PHTF2: variants seen among roughly 807,000 people sequenced by gnomAD.
PHTF2 encodes the protein protein PHTF2.
PHTF2 carries 60 observed loss-of-function variants against 101.2 expected under a neutral mutation model. The ratio of observed to expected loss-of-function variants is 0.59; its 90% confidence interval spans 0.48 to 0.73. The LOEUF is 0.73. Ranked by LOEUF, PHTF2 falls within the 30% of genes least tolerant of loss-of-function variation. The pLI is 0.00. For missense variants in PHTF2, 747 were observed against 908.7 expected, an observed-to-expected ratio of 0.82 and a Z score of 2.29; for synonymous variants, 311 against 307.3, an observed-to-expected ratio of 1.01 and a Z score of -0.13.
intron 1 of PHTF2, among the ~76,000 whole-genome samples, chr7:77,814,812 G>A (rs1296091743): frequency 6.6e-6 from 1 of 152,052 alleles, no homozygotes; most frequent in Non-Finnish European, 1.5e-5. Flanking sequence ...CGGTGGCTTA[G>A]GCCTGTAATT....
chr7:77,837,780 C>T (rs1036506050), intron 1 of PHTF2, among the ~76,000 whole-genome samples: 1 of 152,036 alleles, frequency 6.6e-6, no homozygotes, highest in South Asian at 2.1e-4. Context: ...TTCAAACTTT[C>T]ATTTGAGCTT....
At chr7:77,847,301 G>A (rs550953422) in intron 2 of PHTF2, among the ~76,000 whole-genome samples, 7 of 152,082 alleles carry the variant, frequency 4.6e-5, no homozygotes, top group Non-Finnish European at 7.4e-5. Context: ...AGACAAATGC[G>A]CTTATTACAT....
chr7:77,892,150 C>T (rs560343835), intron 3 of PHTF2, among the ~76,000 whole-genome samples: 24 of 152,136 alleles, frequency 1.6e-4, no homozygotes, highest in South Asian at 1.2e-3. Context: ...GTTAACCAGG[C>T]GTGGTGGCAC....
intron 3 of PHTF2, among the ~76,000 whole-genome samples, chr7:77,887,681 G>T (rs1192917008): frequency 1.3e-5 from 2 of 152,180 alleles, no homozygotes; most frequent in Non-Finnish European, 2.9e-5. Context: ...ATTGGTATAG[G>T]ATTGCCAGAC....
chr7:77,869,530 A>G (rs776831976), intron 3 of PHTF2, among the ~76,000 whole-genome samples: 2 of 152,202 alleles, frequency 1.3e-5, no homozygotes, highest in Non-Finnish European at 2.9e-5. Flanking sequence ...TTCATTTAAC[A>G]TAATGACCTT....
At chr7:77,850,293 G>A (rs932763074) in intron 2 of PHTF2, among the ~76,000 whole-genome samples, 1 of 145,062 alleles carries the variant, frequency 6.9e-6, no homozygotes, top group Admixed American at 7.2e-5. Flanking sequence ...CTAGAATTGA[G>A]GCTGCAGTGA....
intron 2 of PHTF2, among the ~76,000 whole-genome samples, chr7:77,845,538 T>TGAGA (rs1340624741): frequency 6.6e-6 from 1 of 152,236 alleles, no homozygotes; most frequent in Non-Finnish European, 1.5e-5. Flanking sequence ...GAAACTAGCC[T>TGAGA]GAGTAACATG....
At chr7:77,866,809 A>C (rs1359037608) in intron 3 of PHTF2, among the ~76,000 whole-genome samples, 2 of 152,252 alleles carry the variant, frequency 1.3e-5, no homozygotes, top group African/African-American at 4.8e-5. Context: ...TATTAGAAAT[A>C]TGTAAACAAG....
chr7:77,889,237 C>G (rs946670895), intron 3 of PHTF2, among the ~76,000 whole-genome samples: 4 of 152,174 alleles, frequency 2.6e-5, no homozygotes, highest in African/African-American at 7.2e-5. Context: ...GTCTGATCTA[C>G]TATCCTGCCA....
intron 9 of PHTF2, among the ~76,000 whole-genome samples, chr7:77,918,267 A>T (rs1294780447): frequency 6.6e-6 from 1 of 151,836 alleles, no homozygotes; most frequent in Admixed American, 6.6e-5. Flanking sequence ...ACATTCCCAA[A>T]TTTTCAGCCA....
intron 11 of PHTF2, among the ~76,000 whole-genome samples, chr7:77,927,157 C>CAAAAAAAA (rs869210694): frequency 8.2e-5 from 3 of 36,528 alleles, no homozygotes; most frequent in East Asian, 1.1e-3. Context: ...GACTCCATCT[C>CAAAAAAAA]AAAAAAAAAA....
At chr7:77,884,170 A>C (rs1454520681) in intron 3 of PHTF2, among the ~76,000 whole-genome samples, 1 of 152,234 alleles carries the variant, frequency 6.6e-6, no homozygotes, top group Non-Finnish European at 1.5e-5. Context: ...CCAGCACTCC[A>C]AATATGACAA....
intron 11 of PHTF2, chr7:77,924,093 C>T: frequency 2.1e-6 from 2 of 963,832 alleles, no homozygotes; most frequent in South Asian, 4.8e-5. Context: ...ATTCAGTTCT[C>T]AAAAATTTTT....
intron 16 of PHTF2, among the ~76,000 whole-genome samples, chr7:77,948,324 A>AT (rs1806260026): frequency 6.6e-6 from 1 of 152,166 alleles, no homozygotes; most frequent in African/African-American, 2.4e-5. Context: ...GGCATTATAT[A>AT]TCAATGTGGG....
intron 19 of PHTF2, among the ~76,000 whole-genome samples, chr7:77,954,608 C>CTG (rs1230124124): frequency 0.029 from 2,892 of 99,650 alleles, 80 homozygotes; most frequent in African/African-American, 0.05. Flanking sequence ...TAAACAAGTA[C>CTG]TGTGTATATA....
chr7:77,890,027 C>CG (rs1369619875), intron 3 of PHTF2, among the ~76,000 whole-genome samples: 4 of 149,986 alleles, frequency 2.7e-5, no homozygotes, highest in Non-Finnish European at 4.4e-5. Context: ...GACGCGCCCC[C>CG]CCCCACCACC....
intron 3 of PHTF2, among the ~76,000 whole-genome samples, chr7:77,886,445 C>T (rs748555819): frequency 7.9e-5 from 12 of 152,136 alleles, no homozygotes; most frequent in Non-Finnish European, 1.3e-4. Flanking sequence ...CCAATCCTCC[C>T]GTTTCTTTAC....
chr7:77,799,658 A>G lies in PHTF2; in HGVS notation c.-36+687A>G, dbSNP rs774629291. On this transcript the variant is annotated intron_variant, in intron 1 of 19. Coordinates refer to ENST00000416283, the Ensembl canonical transcript of PHTF2. ...CAGTGTTGACAGCCAGCATTCTGGTATTGTCCTTCGAGTCATGGCTTTCTA... is the reference window on the plus strand; with the variant it reads ...CAGTGTTGACAGCCAGCATTCTGGTGTTGTCCTTCGAGTCATGGCTTTCTA... Among the ~76,000 whole-genome samples, 4 of 152,240 alleles carry G rather than the reference A, an allele frequency of 2.6e-5. No homozygotes were observed. The South Asian group carries it at 8.3e-4, about 32-fold the overall frequency.
rs780926918 is a variant in PHTF2, at chr7:77,951,552, C to G, written c.2116-65C>G. On this transcript the variant is annotated intron_variant, in intron 17 of 19. Coordinates refer to ENST00000416283, the Ensembl canonical transcript of PHTF2. ...AATAACCAGATACTTGAGTGAATAT[C>G]TTTCAAGTCCTTTAAAAATGTGTAT... is the stretch of plus-strand genomic sequence containing the variant. The G allele has an allele frequency of 1.0e-5, 7 of 699,106 alleles. 1 individual carries two copies. Among genetic ancestry groups the G allele is most frequent in the Non-Finnish European group, 1.7e-5 (7 of 420,706 alleles). The allele number at this position is 699,106 out of a possible 1,614,324, so 43.3% of individuals were successfully genotyped here. A position where few individuals can be genotyped will look rare whatever the true frequency, so the allele number is the denominator to read the frequency against.
Sources: allele counts gnomAD v4.1 joint callset (sites outside exome capture counted in the v4.1 genomes callset), GRCh38; gene constraint gnomAD v4.1.1; transcripts MANE v1.5; gene names NCBI Gene and HGNC (gene_info 2026-07-23, HGNC 2026-07-21).